Variants in TTC28 observed in about 807,000 individuals in gnomAD.
TTC28 encodes the protein tetratricopeptide repeat domain 28.
In TTC28, 61 loss-of-function variants were observed where a neutral mutation model predicts 198.0. That is an observed-to-expected ratio of 0.31 (90% CI 0.25 to 0.38). The LOEUF (loss-of-function observed/expected upper bound fraction) is 0.38. Ranked by LOEUF, TTC28 falls within the 10% of genes least tolerant of loss-of-function variation. TTC28 has a pLI of 1.00. For missense variants in TTC28, 2,678 were observed against 3,164.0 expected (o/e 0.85, Z 3.69); for synonymous variants, 1,171 against 1,297.8 (o/e 0.90, Z 2.10).
intron 5 of TTC28, among the ~76,000 whole-genome samples, chr22:28,170,080 C>T (rs1443714561): frequency 2.0e-5 from 3 of 152,086 alleles, no homozygotes; most frequent in African/African-American, 4.8e-5. Context: ...CTCCTAGAAA[C>T]AAGTTGTATA....
rs934510837 is a variant in TTC28 at position 28,007,364 on chromosome 22, T to C, written c.4219-5811A>G. 3.9e-5 allele frequency: 6 copies of C among 151,922 alleles called. No homozygotes were observed. The South Asian group carries it at 8.4e-4, about 21-fold the overall frequency. 9.4% of individuals were successfully genotyped at this position (151,922 alleles called of 1,614,324 possible). ...CCATAACTGAAGCCCACCAAGACTG[T>C]AGATACTGTATTTCAGCCAGAAATG... is the stretch of plus-strand genomic sequence containing the variant. On this transcript the variant is annotated intron_variant, in intron 14 of 22. Coordinates refer to ENST00000397906, the MANE Select transcript of TTC28 (RefSeq NM_001145418.2).
At chr22:28,071,070 T>C (rs1940948898) in intron 12 of TTC28, among the ~76,000 whole-genome samples, 1 of 151,846 alleles carries the variant, frequency 6.6e-6, no homozygotes. Context: ...GTGCTGGACA[T>C]CTGGGGGCCA....
intron 5 of TTC28, among the ~76,000 whole-genome samples, chr22:28,233,163 C>T (rs2147233508): frequency 6.6e-6 from 1 of 150,886 alleles, no homozygotes; most frequent in South Asian, 2.1e-4. Context: ...TATAATTATT[C>T]ATTCTTCAAT....
At position 28,679,743 on chromosome 22, in the gene TTC28, C is replaced by G. The variant is rs2052063641; in HGVS notation, c.-20G>C. On this transcript the variant is annotated 5_prime_UTR_variant, in exon 1 of 23. Coordinates refer to ENST00000397906, the MANE Select transcript of TTC28 (RefSeq NM_001145418.2). Reference sequence around the variant, plus strand: ...CTCCATCCCCACGGGGCCCGGGCCGCGTCCGCCTCGAGCTAACGGTCCCGC... The same window carrying G: ...CTCCATCCCCACGGGGCCCGGGCCGGGTCCGCCTCGAGCTAACGGTCCCGC... The G allele has an allele frequency of 4.2e-6, 5 of 1,197,498 alleles. No individual in the cohort carries two copies. In the Admixed American group the frequency reaches 2.2e-4, roughly 53 times the overall value. The allele number at this position is 1,197,498 out of a possible 1,614,324, so 74.2% of individuals were successfully genotyped here.
chr22:28,424,839 A>G (rs1426991173), intron 2 of TTC28, among the ~76,000 whole-genome samples: 1 of 152,178 alleles, frequency 6.6e-6, no homozygotes, highest in Non-Finnish European at 1.5e-5. Context: ...TTTGCCATTC[A>G]ATTTTGCTAC....
At chr22:28,197,885 C>T (rs1056966973) in intron 5 of TTC28, among the ~76,000 whole-genome samples, 35 of 152,024 alleles carry the variant, frequency 2.3e-4, no homozygotes, top group Non-Finnish European at 1.3e-4. Context: ...ATTTAAAAAA[C>T]CCATCAAACA....
chr22:28,039,085 G>C (rs1939496883), intron 12 of TTC28, among the ~76,000 whole-genome samples: 1 of 152,196 alleles, frequency 6.6e-6, no homozygotes, highest in African/African-American at 2.4e-5. Flanking sequence ...CTGTAAACTA[G>C]TTCAACCATT....
At chr22:28,494,094 G>T (rs1420399372) in intron 2 of TTC28, among the ~76,000 whole-genome samples, 2 of 152,162 alleles carry the variant, frequency 1.3e-5, no homozygotes, top group Non-Finnish European at 2.9e-5. Context: ...ATCTAGGGGT[G>T]ATAATGGTGC....
intron 2 of TTC28, among the ~76,000 whole-genome samples, chr22:28,523,492 G>C (rs528307540): frequency 9.9e-4 from 151 of 152,154 alleles, no homozygotes; most frequent in Non-Finnish European, 1.6e-3. Context: ...TAACTAGTCA[G>C]AGCTCTAGTC....
chr22:28,037,965 T>A (rs986631500), intron 12 of TTC28, among the ~76,000 whole-genome samples: 1 of 152,166 alleles, frequency 6.6e-6, no homozygotes, highest in Non-Finnish European at 1.5e-5. Flanking sequence ...TTACAAGGGA[T>A]GTGAAGGACC....
chr22:28,200,703 G>A (rs975474570), intron 5 of TTC28, among the ~76,000 whole-genome samples: 3 of 152,062 alleles, frequency 2.0e-5, no homozygotes, highest in Admixed American at 6.6e-5. Context: ...ATACAGTCTT[G>A]AACACCTTCT....
intron 15 of TTC28, chr22:28,000,270 A>C (rs1331997565): frequency 6.6e-6 from 1 of 152,262 alleles, no homozygotes; most frequent in Non-Finnish European, 1.5e-5. Flanking sequence ...GTCAAAATTC[A>C]GATCTACAAA....
intron 6 of TTC28, among the ~76,000 whole-genome samples, chr22:28,161,609 G>A (rs1018246220): frequency 2.6e-5 from 4 of 151,730 alleles, no homozygotes; most frequent in South Asian, 2.1e-4. Flanking sequence ...AGCCATGATT[G>A]CACCACTATA....
chr22:28,085,657 A>C (rs1347488133), intron 12 of TTC28, among the ~76,000 whole-genome samples: 1 of 152,098 alleles, frequency 6.6e-6, no homozygotes, highest in African/African-American at 2.4e-5. Context: ...ATTCACACAT[A>C]ACAATATTAA....
At chr22:28,613,149 G>C (rs1283621346) in intron 2 of TTC28, among the ~76,000 whole-genome samples, 1 of 151,504 alleles carries the variant, frequency 6.6e-6, no homozygotes, top group Non-Finnish European at 1.5e-5. Flanking sequence ...TGATAAAGGG[G>C]ATATCATCAC....
At chr22:28,634,233 C>T (rs1051023901) in intron 1 of TTC28, among the ~76,000 whole-genome samples, 2 of 152,056 alleles carry the variant, frequency 1.3e-5, no homozygotes, top group African/African-American at 2.4e-5. Flanking sequence ...AATTTCTGGC[C>T]GGGAGTGGTG....
chr22:28,511,826 GA>G (rs1309823521), intron 2 of TTC28, among the ~76,000 whole-genome samples: 41 of 113,778 alleles, frequency 3.6e-4, no homozygotes, highest in African/African-American at 3.9e-4. Flanking sequence ...TCAGAAAAAA[GA>G]AAAAAAAAAA....
intron 2 of TTC28, among the ~76,000 whole-genome samples, chr22:28,590,788 C>A (rs192065738): frequency 7.9e-4 from 119 of 150,780 alleles, no homozygotes; most frequent in African/African-American, 2.7e-3. Flanking sequence ...GTGGGTGGAT[C>A]ACTTGAGGTC....
intron 5 of TTC28, among the ~76,000 whole-genome samples, chr22:28,213,955 G>C (rs1476825346): frequency 1.3e-5 from 2 of 152,098 alleles, no homozygotes; most frequent in Non-Finnish European, 2.9e-5. Flanking sequence ...GAACAGAACA[G>C]AGCCCTCAGA....
Sources: allele counts gnomAD v4.1 joint callset (sites outside exome capture counted in the v4.1 genomes callset), GRCh38; gene constraint gnomAD v4.1.1; transcripts MANE v1.5; gene names NCBI Gene and HGNC (gene_info 2026-07-23, HGNC 2026-07-21).